The following DPP10 variants were observed in gnomAD, a reference collection of about 807,000 sequenced individuals.
DPP10 encodes the protein inactive dipeptidyl peptidase 10.
DPP10 carries 33 observed loss-of-function variants against 120.9 expected under a neutral mutation model. The observed-to-expected ratio is 0.27, with a 90% confidence interval of 0.21 to 0.37. The LOEUF is 0.37. DPP10 is among the 10% of genes least tolerant of loss of function. The probability of loss-of-function intolerance (pLI) is 1.00; values close to 1 mark genes in which losing one functional copy is unlikely to be tolerated. For synonymous variants in DPP10, 337 were observed against 326.1 expected (o/e 1.03, Z -0.36); for missense variants, 816 against 942.8 (o/e 0.87, Z 1.76).
chr2:114,877,181 C>T (rs1224251940), intron 1 of DPP10, among the ~76,000 whole-genome samples: 1 of 152,002 alleles, frequency 6.6e-6, no homozygotes, highest in Non-Finnish European at 1.5e-5. Context: ...CTGCACAAAA[C>T]TAATTCAACT....
At chr2:115,803,978 T>G (rs189053636) in intron 19 of DPP10, among the ~76,000 whole-genome samples, 2,686 of 152,102 alleles carry the variant, frequency 0.018, 78 homozygotes, top group African/African-American at 0.059. Flanking sequence ...ATATTGGCCT[T>G]CCTTGCTAGA....
At chr2:115,545,758 A>G (rs900036614) in intron 5 of DPP10, among the ~76,000 whole-genome samples, 2 of 152,092 alleles carry the variant, frequency 1.3e-5, no homozygotes, top group African/African-American at 2.4e-5. Flanking sequence ...CACAAAGACT[A>G]TATGGGATTT....
At chr2:114,715,912 G>A (rs1052902738) in intron 1 of DPP10, among the ~76,000 whole-genome samples, 4 of 152,032 alleles carry the variant, frequency 2.6e-5, no homozygotes, top group South Asian at 2.1e-4. Context: ...ATGAGCGAGT[G>A]AGCAAAATTA....
intron 1 of DPP10, among the ~76,000 whole-genome samples, chr2:114,859,383 GAGAA>G (rs1273826672): frequency 5.7e-4 from 83 of 144,388 alleles, no homozygotes; most frequent in African/African-American, 2.0e-3. Context: ...AAAAAAAAAA[GAGAA>G]AGAAAGAAAG....
intron 3 of DPP10, among the ~76,000 whole-genome samples, chr2:115,460,624 G>A (rs1278076064): frequency 6.6e-6 from 1 of 152,058 alleles, no homozygotes; most frequent in Non-Finnish European, 1.5e-5. Context: ...ACTTTGACAG[G>A]GTAGAGTTAC....
chr2:114,920,322 A>C (rs754393728), intron 1 of DPP10, among the ~76,000 whole-genome samples: 2 of 152,212 alleles, frequency 1.3e-5, no homozygotes, highest in African/African-American at 2.4e-5. Context: ...AGAATGTATA[A>C]GGCTGATTCT....
intron 1 of DPP10, among the ~76,000 whole-genome samples, chr2:114,753,902 C>T (rs1224419916): frequency 5.7e-5 from 7 of 122,608 alleles, no homozygotes; most frequent in African/African-American, 1.9e-4. Context: ...GAGTGAGACT[C>T]CTTCTCAAAA....
chr2:115,672,829 C>A (rs779418091), intron 5 of DPP10, among the ~76,000 whole-genome samples: 42 of 151,626 alleles, frequency 2.8e-4, no homozygotes, highest in Middle Eastern at 6.8e-3. Flanking sequence ...TCACTGCAAC[C>A]TCCGCCACCT....
At chr2:115,241,229 A>T (rs1247021446) in intron 1 of DPP10, among the ~76,000 whole-genome samples, 1 of 152,144 alleles carries the variant, frequency 6.6e-6, no homozygotes, top group Non-Finnish European at 1.5e-5. Context: ...AGATCGTGCT[A>T]CTGCATTCCA....
chr2:115,424,053 G>A (rs553762957), intron 3 of DPP10, among the ~76,000 whole-genome samples: 218 of 152,190 alleles, frequency 1.4e-3, no homozygotes, highest in African/African-American at 5.1e-3. Context: ...TGGAGCCACA[G>A]TCTCTGTTGG....
intron 1 of DPP10, among the ~76,000 whole-genome samples, chr2:114,827,648 T>C (rs1686684313): frequency 6.6e-6 from 1 of 152,186 alleles, no homozygotes. Flanking sequence ...CATGCATGTG[T>C]GTGTGCATGT....
chr2:115,253,339 T>G (rs2058833712), intron 1 of DPP10, among the ~76,000 whole-genome samples: 1 of 152,098 alleles, frequency 6.6e-6, no homozygotes, highest in Non-Finnish European at 1.5e-5. Flanking sequence ...AACTATATCA[T>G]TCCACCCCGA....
At chr2:115,507,431 G>A (rs7595751) in intron 4 of DPP10, among the ~76,000 whole-genome samples, 14,999 of 152,094 alleles carry the variant, frequency 0.099, 1,388 homozygotes, top group East Asian at 0.24. Context: ...AATCCTTGTT[G>A]AAAAATAACA....
chr2:115,380,566 T>G (rs1188670832), intron 3 of DPP10, among the ~76,000 whole-genome samples: 5 of 152,084 alleles, frequency 3.3e-5, no homozygotes, highest in South Asian at 2.1e-4. Context: ...AAAGTTAATA[T>G]TGTTATGTGT....
intron 1 of DPP10, among the ~76,000 whole-genome samples, chr2:115,058,078 A>G (rs1020148572): frequency 2.0e-5 from 3 of 152,070 alleles, no homozygotes; most frequent in African/African-American, 7.2e-5. Flanking sequence ...GGCTTAGGAG[A>G]TTTCCCATAT....
At chr2:115,567,650 A>G (rs1251076297) in intron 5 of DPP10, among the ~76,000 whole-genome samples, 1 of 152,182 alleles carries the variant, frequency 6.6e-6, no homozygotes, top group Non-Finnish European at 1.5e-5. Flanking sequence ...ATTACAAACA[A>G]TGCCTTCATG....
chr2:115,304,681 A>G (rs548431515), intron 1 of DPP10, among the ~76,000 whole-genome samples: 32 of 152,122 alleles, frequency 2.1e-4, no homozygotes, highest in Non-Finnish European at 4.4e-4. Context: ...CAAATGGAAT[A>G]CTATTTCTTA....
chr2:115,297,898 A>G (rs2060960109), intron 1 of DPP10, among the ~76,000 whole-genome samples: 3 of 152,040 alleles, frequency 2.0e-5, no homozygotes, highest in Admixed American at 2.0e-4. Context: ...TCTGTAGATC[A>G]CTGACATTCT....
At chr2:114,922,345 C>T (rs1695258268) in intron 1 of DPP10, among the ~76,000 whole-genome samples, 1 of 152,192 alleles carries the variant, frequency 6.6e-6, no homozygotes, top group African/African-American at 2.4e-5. Flanking sequence ...GACAGTTTCA[C>T]TCTGTCACTC....
Sources: gnomAD v4.1 joint callset for allele counts (sites outside exome capture counted in the v4.1 genomes callset) on GRCh38, gnomAD v4.1.1 for gene constraint, MANE v1.5 for transcripts, NCBI Gene and HGNC (gene_info 2026-07-23, HGNC 2026-07-21) for gene names.